NKAIN3: variants seen among roughly 807,000 people sequenced by gnomAD.
NKAIN3 encodes the protein sodium/potassium transporting ATPase interacting 3.
In NKAIN3, 25 loss-of-function variants were observed where a neutral mutation model predicts 30.2. The observed-to-expected ratio is 0.83, with a 90% CI of 0.60 to 1.16. The LOEUF is 1.16. Ranked by LOEUF, NKAIN3 falls within the 50% of genes most tolerant of loss-of-function variation. NKAIN3 has a pLI of 0.00. For synonymous variants in NKAIN3, 91 were observed against 89.6 expected, an observed-to-expected ratio of 1.02 and a Z score of -0.09; for missense variants, 225 against 254.1, an observed-to-expected ratio of 0.89 and a Z score of 0.78.
chr8:62,872,052 A>G (rs889087259), intron 4 of NKAIN3, among the ~76,000 whole-genome samples: 16 of 152,234 alleles, frequency 1.1e-4, no homozygotes, highest in African/African-American at 3.6e-4. Flanking sequence ...AAGTTTTGAT[A>G]CACAAATACT....
At chr8:62,539,196 A>G (rs1291107096) in intron 1 of NKAIN3, among the ~76,000 whole-genome samples, 1 of 152,238 alleles carries the variant, frequency 6.6e-6, no homozygotes, top group Admixed American at 6.5e-5. Context: ...TTTGAGCTTG[A>G]ATGCAAAATT....
At chr8:62,806,799 TATA>T (rs1459645586) in intron 4 of NKAIN3, among the ~76,000 whole-genome samples, 3 of 151,338 alleles carry the variant, frequency 2.0e-5, no homozygotes, top group Middle Eastern at 3.5e-3. Flanking sequence ...AAAGTTAAAG[TATA>T]ATAATAATAA....
intron 1 of NKAIN3, among the ~76,000 whole-genome samples, chr8:62,262,947 C>G (rs939013767): frequency 3.3e-5 from 5 of 152,104 alleles, no homozygotes; most frequent in African/African-American, 1.2e-4. Flanking sequence ...ATTTTTATAG[C>G]TCAGTTTTTC....
At chr8:62,290,822 C>A (rs74669333) in intron 1 of NKAIN3, among the ~76,000 whole-genome samples, 1 of 152,110 alleles carries the variant, frequency 6.6e-6, no homozygotes, top group Admixed American at 6.6e-5. Flanking sequence ...GGTACCAGCT[C>A]CTCTTTGTAC....
intron 5 of NKAIN3, among the ~76,000 whole-genome samples, chr8:62,993,823 G>A (rs62508120): frequency 6.6e-6 from 1 of 151,960 alleles, no homozygotes; most frequent in Non-Finnish European, 1.5e-5. Context: ...GGCAGATAAG[G>A]GGGTAGAAGT....
chr8:62,476,750 C>T (rs192191054), intron 1 of NKAIN3, among the ~76,000 whole-genome samples: 66 of 152,226 alleles, frequency 4.3e-4, no homozygotes, highest in African/African-American at 1.4e-3. Flanking sequence ...CTACCATACC[C>T]GGCCTCTATA....
chr8:62,784,910 T>C (rs1180353653), intron 4 of NKAIN3, among the ~76,000 whole-genome samples: 1 of 152,180 alleles, frequency 6.6e-6, no homozygotes, highest in East Asian at 1.9e-4. Flanking sequence ...AGTGAAATAG[T>C]CACTTCACAC....
At chr8:62,679,036 GA>G (rs1266956819) in intron 3 of NKAIN3, among the ~76,000 whole-genome samples, 31 of 152,172 alleles carry the variant, frequency 2.0e-4, no homozygotes, top group Admixed American at 2.0e-3. Context: ...AGACCTTCCA[GA>G]AAGAGATAAT....
At position 62,806,471 on chromosome 8, in the gene NKAIN3, G is replaced by A. The variant is rs569050915; in HGVS notation, c.471+59342G>A. ...CATATACACCATGGAATACTATGTAGCCATAAAAAATGATGAGTTCATGTC... is the reference window on the plus strand; with the variant it reads ...CATATACACCATGGAATACTATGTAACCATAAAAAATGATGAGTTCATGTC... On this transcript the variant is annotated intron_variant, in intron 4 of 6. Coordinates refer to ENST00000623646, the MANE Select transcript of NKAIN3 (RefSeq NM_001304533.3). Among the ~76,000 whole-genome samples, 6 of 152,286 alleles carry A rather than the reference G, an allele frequency of 3.9e-5. No homozygotes were observed. The South Asian group carries it at 1.2e-3, about 32-fold the overall frequency.
At chr8:62,603,320 A>T (rs1811036103) in intron 3 of NKAIN3, among the ~76,000 whole-genome samples, 1 of 152,152 alleles carries the variant, frequency 6.6e-6, no homozygotes, top group African/African-American at 2.4e-5. Context: ...TTTAGTTTTT[A>T]AAACCAGAAT....
intron 1 of NKAIN3, among the ~76,000 whole-genome samples, chr8:62,570,154 G>A (rs1809886775): frequency 6.6e-6 from 1 of 152,104 alleles, no homozygotes; most frequent in African/African-American, 2.4e-5. Context: ...GAATCTCCAG[G>A]GGTACTCACT....
intron 1 of NKAIN3, among the ~76,000 whole-genome samples, chr8:62,367,023 T>A (rs1228044504): frequency 6.6e-6 from 1 of 152,208 alleles, no homozygotes; most frequent in Non-Finnish European, 1.5e-5. Flanking sequence ...TGTTATTGAT[T>A]CTCATTTTGA....
intron 5 of NKAIN3, among the ~76,000 whole-genome samples, chr8:62,921,634 A>G (rs1822280166): frequency 6.6e-6 from 1 of 152,176 alleles, no homozygotes; most frequent in African/African-American, 2.4e-5. Flanking sequence ...GTGGGGTCAG[A>G]GCTTCTCGTC....
chr8:62,364,449 C>T (rs1816663802), intron 1 of NKAIN3, among the ~76,000 whole-genome samples: 1 of 152,098 alleles, frequency 6.6e-6, no homozygotes, highest in African/African-American at 2.4e-5. Flanking sequence ...TGGCCCTGCA[C>T]CTAGCCTCCA....
chr8:62,554,308 G>A (rs1456598974), intron 1 of NKAIN3, among the ~76,000 whole-genome samples: 2 of 152,152 alleles, frequency 1.3e-5, no homozygotes, highest in Non-Finnish European at 2.9e-5. Flanking sequence ...TTGAGCTTCA[G>A]TTTCCAAGAT....
chr8:62,933,587 T>C (rs2130874401), intron 5 of NKAIN3, among the ~76,000 whole-genome samples: 1 of 152,322 alleles, frequency 6.6e-6, no homozygotes, highest in East Asian at 1.9e-4. Context: ...TTCTGCTTCA[T>C]TGACTCCAAA....
intron 1 of NKAIN3, among the ~76,000 whole-genome samples, chr8:62,405,917 T>G (rs1171897932): frequency 2.0e-5 from 3 of 152,208 alleles, no homozygotes; most frequent in Non-Finnish European, 4.4e-5. Flanking sequence ...TAACAAACTA[T>G]TAATAATTTA....
rs1585860164 is a variant in NKAIN3 at position 62,485,057 on chromosome 8, G to C, written c.55-94482G>C. On this transcript the variant is annotated intron_variant, in intron 1 of 6. Transcript: ENST00000623646. ...AACAGGAACTGCATAGTCCCTGACT[G>C]TCAGGAACAACAGAGCCCTGCCCCT... Among the ~76,000 whole-genome samples, 3 of 152,300 alleles carry C rather than the reference G, an allele frequency of 2.0e-5. No individual in the cohort carries two copies. The South Asian group carries it at 6.2e-4, about 32-fold the overall frequency.
intron 1 of NKAIN3, among the ~76,000 whole-genome samples, chr8:62,432,846 C>G (rs1369899481): frequency 1.3e-5 from 2 of 152,074 alleles, no homozygotes; most frequent in Non-Finnish European, 2.9e-5. Flanking sequence ...CTACCTTATT[C>G]CTACTGATCC....
Sources: gnomAD v4.1 joint callset for allele counts (sites outside exome capture counted in the v4.1 genomes callset) on GRCh38, gnomAD v4.1.1 for gene constraint, MANE v1.5 for transcripts, NCBI Gene and HGNC (gene_info 2026-07-23, HGNC 2026-07-21) for gene names.